The following RASSF3 variants were observed in gnomAD, a reference collection of about 807,000 sequenced individuals.
RASSF3 encodes the protein ras association domain-containing protein 3.
A neutral mutation model predicts 19.9 loss-of-function variants in RASSF3; 19 were observed. The observed-to-expected ratio is 0.96, with a 90% CI of 0.67 to 1.40. The LOEUF (loss-of-function observed/expected upper bound fraction) is 1.40, where lower values mean the gene tolerates loss of function less well. RASSF3 is among the 40% of genes most tolerant of loss of function. RASSF3 has a pLI of 0.00. For synonymous variants in RASSF3, 110 were observed against 104.2 expected, an observed-to-expected ratio of 1.06 and a Z score of -0.34; for missense variants, 306 against 289.8, an observed-to-expected ratio of 1.06 and a Z score of -0.41.
chr12:64,693,791 C>T (rs564000870), intron 4 of RASSF3, among the ~76,000 whole-genome samples: 37 of 152,186 alleles, frequency 2.4e-4, no homozygotes, highest in Non-Finnish European at 4.7e-4. Context: ...AAACAAGGCT[C>T]AGAGCCTCAA....
intron 1 of RASSF3, among the ~76,000 whole-genome samples, chr12:64,527,400 A>G (rs184633534): frequency 2.2e-3 from 328 of 152,354 alleles, no homozygotes; most frequent in Middle Eastern, 6.8e-3. Flanking sequence ...AAATAAATTA[A>G]TGCATATAAA....
At chr12:64,580,766 C>T (rs987636460) in intron 2 of RASSF3, among the ~76,000 whole-genome samples, 3 of 152,092 alleles carry the variant, frequency 2.0e-5, no homozygotes, top group Admixed American at 2.0e-4. Context: ...TCATTCCAAT[C>T]TCTGCCTTTG....
intron 1 of RASSF3, among the ~76,000 whole-genome samples, chr12:64,513,452 G>GAAA (rs67709932): frequency 1.7e-4 from 19 of 114,138 alleles, no homozygotes; most frequent in African/African-American, 5.7e-4. Context: ...CTCCATCTCA[G>GAAA]AAAAAAAAAA....
upstream of RASSF3, among the ~76,000 whole-genome samples, chr12:64,532,196 C>T (rs373548019): frequency 4.6e-5 from 7 of 152,074 alleles, no homozygotes; most frequent in East Asian, 7.7e-4. Context: ...GATGGATTGC[C>T]GACTGCGAGT....
At chr12:64,637,048 A>G (rs1024697936) in intron 1 of RASSF3, among the ~76,000 whole-genome samples, 1 of 152,136 alleles carries the variant, frequency 6.6e-6, no homozygotes, top group African/African-American at 2.4e-5. Context: ...GGGGAGACCA[A>G]TATAATATGA....
At chr12:64,524,052 C>CTTTT (rs35141966) in intron 1 of RASSF3, among the ~76,000 whole-genome samples, 1 of 120,122 alleles carries the variant, frequency 8.3e-6, no homozygotes, top group Non-Finnish European at 1.7e-5. Context: ...TGTACTTGCT[C>CTTTT]TTTTTTTTTT....
At chr12:64,651,316 T>A (rs1202014377) in intron 1 of RASSF3, among the ~76,000 whole-genome samples, 1 of 152,180 alleles carries the variant, frequency 6.6e-6, no homozygotes, top group East Asian at 1.9e-4. Context: ...GATGCGTATG[T>A]TAACATATGT....
chr12:64,592,417 A>G (rs1869940211), intron 2 of RASSF3, among the ~76,000 whole-genome samples: 1 of 152,196 alleles, frequency 6.6e-6, no homozygotes, highest in East Asian at 1.9e-4. Flanking sequence ...TACTATAAAT[A>G]ATGGTACAGT....
intron 1 of RASSF3, among the ~76,000 whole-genome samples, chr12:64,519,502 T>G (rs1868424108): frequency 6.6e-6 from 1 of 152,078 alleles, no homozygotes; most frequent in South Asian, 2.1e-4. Context: ...AGGGCCATCA[T>G]GAGGGTCGAT....
At chr12:64,675,898 C>A (rs1207710941) in intron 1 of RASSF3, among the ~76,000 whole-genome samples, 2 of 151,832 alleles carry the variant, frequency 1.3e-5, no homozygotes, top group Non-Finnish European at 2.9e-5. Flanking sequence ...TAGAGCCCCA[C>A]CCTGTATCCT....
At chr12:64,550,136 CCT>C (rs910478805) in intron 2 of RASSF3, among the ~76,000 whole-genome samples, 2 of 152,124 alleles carry the variant, frequency 1.3e-5, no homozygotes, top group African/African-American at 2.4e-5. Flanking sequence ...TCCTTCCTGC[CCT>C]CTCTTTTCTC....
At position 64,695,003 on chromosome 12, in the gene RASSF3, C is replaced by T; in HGVS notation, c.*91C>T. ...CTTCTCAGAGGGCTGCTGTCTTGCC[C>T]CACTATGCTAGGGTCTTCGCCTTTC... On this transcript the variant is annotated 3_prime_UTR_variant, in exon 5 of 5. Coordinates refer to ENST00000542104, the MANE Select transcript of RASSF3 (RefSeq NM_178169.4). 7.1e-7 allele frequency: 1 copy of T among 1,411,016 alleles called. No homozygotes were observed. The highest frequency in any genetic ancestry group is 9.7e-7 in the Non-Finnish European group (1 of 1,030,356). 87.4% of individuals were successfully genotyped at this position (1,411,016 alleles called of 1,614,324 possible). A position where few individuals can be genotyped will look rare whatever the true frequency, so the allele number is the denominator to read the frequency against.
intron 1 of RASSF3, chr12:64,622,541 T>C (rs1391518567): frequency 1.9e-6 from 1 of 523,026 alleles, no homozygotes. Flanking sequence ...GCAAAAGTAA[T>C]TGCGGTTTTT....
chr12:64,627,765 A>C (rs772599377), intron 1 of RASSF3, among the ~76,000 whole-genome samples: 14 of 152,214 alleles, frequency 9.2e-5, no homozygotes, highest in Non-Finnish European at 1.8e-4. Flanking sequence ...ACGTTGGGCC[A>C]GGGGTATGGA....
In RASSF3 at chr12:64,696,166, A is replaced by G. The variant is rs1868361225; in HGVS notation, c.*1254A>G. The G allele has an allele frequency of 8.6e-6, 1 of 116,570 alleles. No homozygotes were observed. The highest frequency in any genetic ancestry group is 3.3e-5 in the African/African-American group (1 of 30,454). 7.2% of individuals were successfully genotyped at this position (116,570 alleles called of 1,614,324 possible). On this transcript the variant is annotated 3_prime_UTR_variant, in exon 5 of 5. Transcript: ENST00000542104. Reference sequence around the variant, plus strand: ...CTCTCCCTTTCTTTTCTACATTGAAATCTGTTCTTACATAATAGAGAACAG... The same window carrying G: ...CTCTCCCTTTCTTTTCTACATTGAAGTCTGTTCTTACATAATAGAGAACAG...
intron 2 of RASSF3, among the ~76,000 whole-genome samples, chr12:64,554,464 C>A (rs1179279348): frequency 6.6e-6 from 1 of 152,146 alleles, no homozygotes; most frequent in Non-Finnish European, 1.5e-5. Flanking sequence ...ACCACCACGC[C>A]TGGCTAATTT....
intron 1 of RASSF3, among the ~76,000 whole-genome samples, chr12:64,621,638 C>T (rs55657746): frequency 0.042 from 6,372 of 152,220 alleles, 472 homozygotes; most frequent in African/African-American, 0.15. Context: ...CCACTATGCG[C>T]GGCTAATTTT....
chr12:64,579,343 G>GTTTT (rs1213843199), intron 2 of RASSF3, among the ~76,000 whole-genome samples: 1 of 126,396 alleles, frequency 7.9e-6, no homozygotes, highest in African/African-American at 3.0e-5. Flanking sequence ...CAATAGCCAA[G>GTTTT]TTCTTTTTTT....
At chr12:64,682,361 G>A (rs965904873) in intron 1 of RASSF3, among the ~76,000 whole-genome samples, 5 of 152,110 alleles carry the variant, frequency 3.3e-5, no homozygotes, top group Non-Finnish European at 7.4e-5. Flanking sequence ...CACAAGGTCA[G>A]GAGATCGAGA....
Sources: gnomAD v4.1 joint callset for allele counts (sites outside exome capture counted in the v4.1 genomes callset) on GRCh38, gnomAD v4.1.1 for gene constraint, MANE v1.5 for transcripts, NCBI Gene and HGNC (gene_info 2026-07-23, HGNC 2026-07-21) for gene names.